Variants in CNDP1 observed in about 807,000 individuals in gnomAD.
CNDP1 encodes the protein beta-Ala-His dipeptidase.
Under a neutral mutation model 58.1 loss-of-function variants are expected in CNDP1, and 44 were observed. The observed-to-expected ratio is 0.76, with a 90% CI of 0.60 to 0.97. The LOEUF (loss-of-function observed/expected upper bound fraction) is 0.97, where lower values mean the gene tolerates loss of function less well. Ranked by LOEUF, CNDP1 falls within the 50% of genes least tolerant of loss-of-function variation. CNDP1 has a pLI of 0.00. For missense variants in CNDP1, 616 were observed against 655.1 expected, an observed-to-expected ratio of 0.94 and a Z score of 0.65; for synonymous variants, 254 against 252.6, an observed-to-expected ratio of 1.01 and a Z score of -0.05.
chr18:74,567,570 G>A (rs185002176), intron 6 of CNDP1, 137 bp downstream of exon 6: 7 of 744,066 alleles, frequency 9.4e-6, no homozygotes, highest in Non-Finnish European at 1.6e-5. Context: ...CACGGCCTCA[G>A]GGGAGGTGGG....
At chr18:74,559,546 G>A (rs1981133500) in intron 3 of CNDP1, 74 bp downstream of exon 3, 4 of 1,444,156 alleles carry the variant, frequency 2.8e-6, no homozygotes, top group Non-Finnish European at 3.7e-6. Flanking sequence ...GGGGTGGCAA[G>A]GGAGAGGCTC....
chr18:74,583,979 A>T, intron 11 of CNDP1: 1 of 437,358 alleles, frequency 2.3e-6, no homozygotes, highest in Non-Finnish European at 4.2e-6. Context: ...CTCTTTTTAT[A>T]AGAGCACCAG....
chr18:74,579,124 T>C (rs1241251689), intron 9 of CNDP1, among the ~76,000 whole-genome samples: 1 of 147,664 alleles, frequency 6.8e-6, no homozygotes, highest in Admixed American at 6.8e-5. Flanking sequence ...CCCTCCTTCC[T>C]TCCTTCCTTC....
At chr18:74,551,921 CA>C (rs955659070) in intron 1 of CNDP1, among the ~76,000 whole-genome samples, 10 of 142,172 alleles carry the variant, frequency 7.0e-5, no homozygotes, top group East Asian at 4.1e-4. Flanking sequence ...AAAAAAAAAA[CA>C]AAAAAAAAAC....
intron 6 of CNDP1, among the ~76,000 whole-genome samples, chr18:74,568,642 T>C: frequency 6.6e-6 from 1 of 152,084 alleles, no homozygotes; most frequent in East Asian, 1.9e-4. Context: ...TGTGAGGGCT[T>C]TGGGTAGGTA....
intron 6 of CNDP1, among the ~76,000 whole-genome samples, chr18:74,568,813 G>A (rs1188992850): frequency 6.6e-6 from 1 of 152,136 alleles, no homozygotes; most frequent in African/African-American, 2.4e-5. Context: ...GCAGTGGTAA[G>A]GTCTGGAGTC....
At chr18:74,559,716 A>T (rs977553256) in intron 3 of CNDP1, among the ~76,000 whole-genome samples, 2 of 152,194 alleles carry the variant, frequency 1.3e-5, no homozygotes, top group African/African-American at 4.8e-5. Flanking sequence ...AGTGAAGGTC[A>T]CCTTATCATG....
In CNDP1 at chr18:74,566,683, C is replaced by A. The variant is rs536106575; in HGVS notation, c.556-550C>A. Among the ~76,000 whole-genome samples the A allele has an allele frequency of 1.7e-4, 26 of 152,348 alleles. 1 individual carries two copies. The highest frequency in any genetic ancestry group is 6.0e-4 in the African/African-American group (25 of 41,578). On this transcript the variant is annotated intron_variant, in intron 5 of 11. Coordinates refer to ENST00000358821, the MANE Select transcript of CNDP1 (RefSeq NM_032649.6). ...TCCATATTGCTATCAGCATTTTGGGCAAAGCCATTCAATAAGTCTCTAGGA... is the reference window on the plus strand; with the variant it reads ...TCCATATTGCTATCAGCATTTTGGGAAAAGCCATTCAATAAGTCTCTAGGA...
At chr18:74,561,892 A>C (rs1223219896) in intron 4 of CNDP1, 155 bp from the exon 5 acceptor site, 1 of 608,358 alleles carries the variant, frequency 1.6e-6, no homozygotes, top group Admixed American at 2.6e-5. Context: ...TTTGTACATA[A>C]GAAATCATAC....
rs1354265716 is a variant in CNDP1, at chr18:74,571,190, A to G, written c.761A>G (p.Lys254Arg). Reference sequence around the variant, plus strand: ...TACCTTTTATCTACTCTGCAGGTGAAATGCAGAGACCAGGATTTTCACTCA... The same window carrying G: ...TACCTTTTATCTACTCTGCAGGTGAGATGCAGAGACCAGGATTTTCACTCA... ...RGNSYFMVEV[K>R]CRDQDFHSGT... The change falls in exon 7 of 12, where the codon AAA becomes AGA. Residue 254 changes from lysine (K) to arginine (R), a missense_variant. By Grantham distance (26) the Lys-to-Arg change is conservative. Coordinates refer to ENST00000358821, the MANE Select transcript of CNDP1 (RefSeq NM_032649.6). 6.9e-6 allele frequency: 11 copies of G among 1,605,742 alleles called. No homozygotes were observed. The highest frequency in any genetic ancestry group is 9.4e-6 in the Non-Finnish European group (11 of 1,172,504).
Position 74,534,545 on chromosome 18 carries a change from G to C in CNDP1, c.-123G>C, listed in dbSNP as rs768048676. 2 of 993,762 alleles carry C rather than the reference G, an allele frequency of 2.0e-6. No individual in the cohort carries two copies. The highest frequency in any genetic ancestry group is 3.1e-6 in the Non-Finnish European group (2 of 635,386). 61.6% of individuals were successfully genotyped at this position (993,762 alleles called of 1,614,324 possible). ...TACCAGCCTCGTCTTCCTTCCGGGG[G>C]ACAACGTGGGTCAGGGCACAGAGAG... On this transcript the variant is annotated 5_prime_UTR_variant, in exon 1 of 12. Transcript: ENST00000358821.
At chr18:74,582,384 ATC>A (rs1186086460) in intron 10 of CNDP1, among the ~76,000 whole-genome samples, 1 of 152,194 alleles carries the variant, frequency 6.6e-6, no homozygotes, top group Non-Finnish European at 1.5e-5. Flanking sequence ...GTTTGAACTC[ATC>A]TCTTTCTAAA....
In CNDP1 at chr18:74,580,188, T is replaced by C; in HGVS notation, c.1226T>C (p.Val409Ala). 1 of 1,614,056 alleles carries C rather than the reference T, an allele frequency of 6.2e-7. No homozygotes were observed. Among genetic ancestry groups the C allele is most frequent in the Non-Finnish European group, 8.5e-7 (1 of 1,179,878 alleles). ...AGAAATAGTTCCAACAAGATGGTTG[T>C]TTCCATGACTCTAGGACTACACCCG... ...SKRNSSNKMV[V>A]SMTLGLHPWI... is the part of the protein sequence containing the mutation. The change falls in exon 10 of 12, where the codon GTT (valine) becomes GCT (alanine). Residue 409 changes from valine (V) to alanine (A), a missense_variant. Val to Ala is a moderately conservative substitution (Grantham distance 64, BLOSUM62 0). Transcript: ENST00000358821.
chr18:74,583,986 C>A lies in CNDP1; in HGVS notation c.1457+278C>A. 7.2e-6 allele frequency: 3 copies of A among 419,326 alleles called. No homozygotes were observed. The South Asian group carries it at 9.4e-5, about 13-fold the overall frequency. The allele number at this position is 419,326 out of a possible 1,614,324, so 26.0% of individuals were successfully genotyped here. On this transcript the variant is annotated intron_variant, in intron 11 of 11. Coordinates refer to ENST00000358821, the MANE Select transcript of CNDP1 (RefSeq NM_032649.6). ...TGGTGTCTCTCTTTTTATAAGAGCA[C>A]CAGACCCATTGGATTAGGACCCCCA... is the stretch of plus-strand genomic sequence containing the variant.
chr18:74,583,998 G>T, intron 11 of CNDP1: 1 of 387,158 alleles, frequency 2.6e-6, no homozygotes, highest in Non-Finnish European at 4.7e-6. Flanking sequence ...AGACCCATTG[G>T]ATTAGGACCC....
At chr18:74,548,226 A>G (rs1273611359) in intron 1 of CNDP1, among the ~76,000 whole-genome samples, 2 of 152,190 alleles carry the variant, frequency 1.3e-5, no homozygotes, top group Non-Finnish European at 2.9e-5. Flanking sequence ...TTGAGATGTG[A>G]TCCCCAATGT....
intron 9 of CNDP1, 27 bp from the exon 10 acceptor site, chr18:74,580,103 C>T (rs778245972): frequency 1.1e-5 from 17 of 1,597,714 alleles, no homozygotes; most frequent in East Asian, 2.2e-5. Flanking sequence ...GACACTTTCT[C>T]TTATCATTGA....
At chr18:74,573,431 A>ATCCATCCATCCATCCAT (rs565156580) in intron 7 of CNDP1, among the ~76,000 whole-genome samples, 2 of 141,768 alleles carry the variant, frequency 1.4e-5, no homozygotes, top group Non-Finnish European at 3.0e-5. Flanking sequence ...CATCCATCCA[A>ATCCATCCATCCATCCAT]CTATCTATCT....
At chr18:74,575,085 G>GAAGGAAGGAAAGAAAGA (rs769411891) in intron 7 of CNDP1, among the ~76,000 whole-genome samples, 21,956 of 146,792 alleles carry the variant, frequency 0.15, 1,810 homozygotes, top group African/African-American at 0.18. Flanking sequence ...GGAAAGAAAG[G>GAAGGAAGGAAAGAAAGA]AAGGAAGGAA....
Sources: allele counts gnomAD v4.1 joint callset (sites outside exome capture counted in the v4.1 genomes callset), GRCh38; gene constraint gnomAD v4.1.1; transcripts MANE v1.5; gene names NCBI Gene and HGNC (gene_info 2026-07-23, HGNC 2026-07-21).